ZNF385B: variants seen among roughly 807,000 people sequenced by gnomAD.
ZNF385B encodes the protein zinc finger protein 385B, also known as zinc finger protein 533.
A neutral mutation model predicts 39.2 loss-of-function variants in ZNF385B; 23 were observed. That is an observed-to-expected ratio of 0.59 (90% CI 0.42 to 0.83). The LOEUF (loss-of-function observed/expected upper bound fraction) is 0.83. Ranked by LOEUF, ZNF385B falls within the 40% of genes least tolerant of loss-of-function variation. The pLI, the probability that ZNF385B is intolerant of heterozygous loss-of-function variation, is 0.00. For missense variants in ZNF385B, 552 were observed against 598.9 expected (o/e 0.92, Z 0.82); for synonymous variants, 205 against 222.6 (o/e 0.92, Z 0.70).
At chr2:179,831,465 C>A (rs1229203156) in intron 1 of ZNF385B, among the ~76,000 whole-genome samples, 1 of 150,104 alleles carries the variant, frequency 6.7e-6, no homozygotes, top group Admixed American at 6.6e-5. Context: ...ACTTAAGATG[C>A]CAAAACTTAC....
chr2:179,700,793 C>A (rs1461805020), intron 3 of ZNF385B, among the ~76,000 whole-genome samples: 2 of 152,146 alleles, frequency 1.3e-5, no homozygotes, highest in East Asian at 1.9e-4. Context: ...GCAGGCGGAT[C>A]ACGAGGACAA....
At chr2:179,443,960 C>T (rs891966509) in intron 9 of ZNF385B, among the ~76,000 whole-genome samples, 1 of 152,188 alleles carries the variant, frequency 6.6e-6, no homozygotes, top group African/African-American at 2.4e-5. Flanking sequence ...CAGTTCACAC[C>T]TCTCTCACTG....
At chr2:179,836,798 G>A (rs1233021670) in intron 1 of ZNF385B, among the ~76,000 whole-genome samples, 2 of 152,112 alleles carry the variant, frequency 1.3e-5, no homozygotes, top group East Asian at 1.9e-4. Context: ...GATTACAGGC[G>A]TGAGCCACCG....
intron 1 of ZNF385B, among the ~76,000 whole-genome samples, chr2:179,777,424 T>A (rs1424764719): frequency 6.6e-6 from 1 of 152,058 alleles, no homozygotes; most frequent in African/African-American, 2.4e-5. Context: ...GAAAAATAAA[T>A]TGACAGCTAA....
At chr2:179,636,977 A>T (rs1270624439) in intron 3 of ZNF385B, among the ~76,000 whole-genome samples, 1 of 152,210 alleles carries the variant, frequency 6.6e-6, no homozygotes, top group African/African-American at 2.4e-5. Context: ...ATATAAATAT[A>T]TCTAGCCACT....
intron 6 of ZNF385B, among the ~76,000 whole-genome samples, chr2:179,479,571 A>G (rs889526950): frequency 1.3e-5 from 2 of 152,120 alleles, no homozygotes; most frequent in Non-Finnish European, 2.9e-5. Context: ...TGGGCACAGT[A>G]GCACATACCT....
intron 3 of ZNF385B, among the ~76,000 whole-genome samples, chr2:179,681,455 C>T (rs1697507983): frequency 6.6e-6 from 1 of 151,884 alleles, no homozygotes; most frequent in Non-Finnish European, 1.5e-5. Context: ...TGTGGCTACA[C>T]AATAAGAAGT....
rs199763587 is a variant in ZNF385B, at chr2:179,703,643, T to TA, written c.298+65859dup. On this transcript the variant is annotated intron_variant, in intron 3 of 9. Transcript: ENST00000410066. The stretch of plus-strand genomic sequence containing the variant: ...GATTACAAGAAAACATAATCTATAA[T>TA]AAAAAAGACAGTACTGGTTAAAATA... Among the ~76,000 whole-genome samples, 1,077 of 152,114 alleles carry TA rather than the reference T, an allele frequency of 7.1e-3. 13 individuals carry two copies. Among genetic ancestry groups the TA allele is most frequent in the African/African-American group, 0.025 (1,026 of 41,506 alleles).
chr2:179,661,439 T>A (rs1005921740), intron 3 of ZNF385B, among the ~76,000 whole-genome samples: 1 of 152,210 alleles, frequency 6.6e-6, no homozygotes, highest in African/African-American at 2.4e-5. Context: ...TGTCATAGAC[T>A]TCTCAGCCTC....
intron 3 of ZNF385B, among the ~76,000 whole-genome samples, chr2:179,565,327 T>C (rs1684432481): frequency 6.6e-6 from 1 of 152,146 alleles, no homozygotes; most frequent in Admixed American, 6.6e-5. Flanking sequence ...ACAGTAATCA[T>C]ATCTCATGAG....
At chr2:179,689,807 GTGTGTGTGTGTGTGTGTGTT>G (rs1488968257) in intron 3 of ZNF385B, among the ~76,000 whole-genome samples, 1 of 127,694 alleles carries the variant, frequency 7.8e-6, no homozygotes, top group East Asian at 2.0e-4. Context: ...GTGTGTGTGT[GTGTGTGTGTGTGTGTGTGTT>G]TATTTGTTTT....
intron 1 of ZNF385B, among the ~76,000 whole-genome samples, chr2:179,843,997 G>C (rs1346719762): frequency 6.6e-6 from 1 of 152,186 alleles, no homozygotes. Flanking sequence ...CCAGCTACAA[G>C]AATTCCTTCC....
chr2:179,496,773 G>A (rs1285698680), intron 5 of ZNF385B, among the ~76,000 whole-genome samples: 3 of 152,230 alleles, frequency 2.0e-5, no homozygotes, highest in African/African-American at 7.2e-5. Context: ...GAGAGGCCAG[G>A]AGTGTTGGCT....
At chr2:179,493,690 T>C (rs564899608) in intron 5 of ZNF385B, among the ~76,000 whole-genome samples, 3 of 92,786 alleles carry the variant, frequency 3.2e-5, no homozygotes, top group African/African-American at 7.8e-5. Context: ...CATATACACA[T>C]ATATACATAT....
intron 1 of ZNF385B, among the ~76,000 whole-genome samples, chr2:179,788,218 C>T (rs1177113028): frequency 1.3e-5 from 2 of 152,134 alleles, no homozygotes; most frequent in Non-Finnish European, 2.9e-5. Context: ...CACACACGCA[C>T]ACACACATAA....
At chr2:179,654,181 T>C (rs1275430812) in intron 3 of ZNF385B, among the ~76,000 whole-genome samples, 1 of 152,116 alleles carries the variant, frequency 6.6e-6, no homozygotes, top group Admixed American at 6.5e-5. Flanking sequence ...TGTGAAAAGG[T>C]TGTCCTTGTT....
At chr2:179,811,083 C>A (rs916032319) in intron 1 of ZNF385B, among the ~76,000 whole-genome samples, 7 of 151,864 alleles carry the variant, frequency 4.6e-5, no homozygotes, top group African/African-American at 1.7e-4. Flanking sequence ...AAATAAAATA[C>A]CTAGGAATAC....
At chr2:179,596,969 T>A (rs916333856) in intron 3 of ZNF385B, among the ~76,000 whole-genome samples, 2 of 152,208 alleles carry the variant, frequency 1.3e-5, no homozygotes, top group South Asian at 4.1e-4. Context: ...CTTTTCCACA[T>A]AACTGAAGGA....
chr2:179,675,468 G>C (rs1438822850), intron 3 of ZNF385B, among the ~76,000 whole-genome samples: 1 of 152,116 alleles, frequency 6.6e-6, no homozygotes, highest in Non-Finnish European at 1.5e-5. Flanking sequence ...AGTAGTTTTC[G>C]GATAATTGAC....
Sources: allele counts gnomAD v4.1 joint callset (sites outside exome capture counted in the v4.1 genomes callset), GRCh38; gene constraint gnomAD v4.1.1; transcripts MANE v1.5; gene names NCBI Gene and HGNC (gene_info 2026-07-23, HGNC 2026-07-21).